WWTR1: variants seen among roughly 807,000 people sequenced by gnomAD.
WWTR1 encodes WW domain containing transcription regulator 1.
In WWTR1, 13 loss-of-function variants were observed where a neutral mutation model predicts 40.1. The observed-to-expected ratio is 0.32, with a 90% CI of 0.21 to 0.52. The LOEUF is 0.52. Among genes scored for constraint, WWTR1 ranks in the 20% least tolerant of loss-of-function variants. WWTR1 has a pLI of 0.97. For missense variants in WWTR1, 436 were observed against 523.1 expected (o/e 0.83, Z 1.63); for synonymous variants, 230 against 210.1 (o/e 1.09, Z -0.82).
intron 2 of WWTR1, among the ~76,000 whole-genome samples, chr3:149,650,964 G>C (rs935945101): frequency 6.6e-6 from 1 of 152,288 alleles, no homozygotes; most frequent in South Asian, 2.1e-4. Flanking sequence ...GATTTTGGCT[G>C]GGTAAATAGG....
intron 1 of WWTR1, among the ~76,000 whole-genome samples, chr3:149,693,876 TA>T (rs1159020855): frequency 6.6e-6 from 1 of 152,030 alleles, no homozygotes; most frequent in African/African-American, 2.4e-5. Flanking sequence ...AAATCAAATA[TA>T]AATGGATTAA....
At chr3:149,522,759 G>A (rs1010011944) in intron 6 of WWTR1, among the ~76,000 whole-genome samples, 6 of 151,998 alleles carry the variant, frequency 3.9e-5, no homozygotes, top group Non-Finnish European at 5.9e-5. Context: ...TTCCTAGGCC[G>A]GGTGTGGTGG....
intron 1 of WWTR1, among the ~76,000 whole-genome samples, chr3:149,692,259 A>G (rs1714850935): frequency 6.6e-6 from 1 of 152,186 alleles, no homozygotes; most frequent in Non-Finnish European, 1.5e-5. Flanking sequence ...CCTTAACAAA[A>G]TACTAGCAAA....
intron 2 of WWTR1, among the ~76,000 whole-genome samples, chr3:149,574,009 A>C (rs979854653): frequency 2.0e-5 from 3 of 151,882 alleles, no homozygotes; most frequent in African/African-American, 7.3e-5. Flanking sequence ...CAGTATCAGA[A>C]ATCTTCCTTC....
chr3:149,720,986 A>T (rs1481942380), intron 4 of WWTR1, among the ~76,000 whole-genome samples: 1 of 152,098 alleles, frequency 6.6e-6, no homozygotes, highest in Admixed American at 6.5e-5. Context: ...TATTTTGCTG[A>T]ATTTATTAAT....
At chr3:149,533,996 T>C (rs1245075994) in intron 4 of WWTR1, among the ~76,000 whole-genome samples, 1 of 151,984 alleles carries the variant, frequency 6.6e-6, no homozygotes, top group African/African-American at 2.4e-5. Flanking sequence ...GGTGAAACCT[T>C]GTTTCTACTA....
intron 4 of WWTR1, 141 bp from the exon 5 acceptor site, chr3:149,528,110 T>G: frequency 9.2e-7 from 1 of 1,082,172 alleles, no homozygotes; most frequent in East Asian, 2.7e-5. Flanking sequence ...AGGCAACCAT[T>G]AGTATTCTTT....
At chr3:149,522,609 A>G (rs928993824) in intron 6 of WWTR1, among the ~76,000 whole-genome samples, 1 of 152,220 alleles carries the variant, frequency 6.6e-6, no homozygotes, top group Non-Finnish European at 1.5e-5. Flanking sequence ...TGTCTAAAAA[A>G]CAATCTGATC....
chr3:149,625,101 T>C (rs1224780389), intron 2 of WWTR1, among the ~76,000 whole-genome samples: 45 of 89,050 alleles, frequency 5.1e-4, no homozygotes, highest in Admixed American at 3.3e-3. Context: ...AACTCTACCC[T>C]TTTTTTTTTT....
At chr3:149,661,400 T>C (rs1713567959), upstream of WWTR1, 1 of 150,676 alleles carries the variant, frequency 6.6e-6, no homozygotes. Context: ...ATGTGCATTC[T>C]AAGAATAAAA....
chr3:149,706,384 T>C (rs747722473), upstream of WWTR1, among the ~76,000 whole-genome samples: 1 of 152,064 alleles, frequency 6.6e-6, no homozygotes, highest in Non-Finnish European at 1.5e-5. Flanking sequence ...AATGGCGTGA[T>C]CTCGGCTCAC....
intron 3 of WWTR1, among the ~76,000 whole-genome samples, chr3:149,566,621 T>C (rs1737339955): frequency 6.6e-6 from 1 of 152,196 alleles, no homozygotes. Flanking sequence ...ATCTGACTTC[T>C]AGTGAACTTT....
At chr3:149,603,538 C>T (rs983687276) in intron 2 of WWTR1, among the ~76,000 whole-genome samples, 1 of 147,692 alleles carries the variant, frequency 6.8e-6, no homozygotes, top group South Asian at 2.1e-4. Context: ...AATTTAGTTA[C>T]AAAGGTTCCC....
At chr3:149,581,861 C>T (rs974261046) in intron 2 of WWTR1, among the ~76,000 whole-genome samples, 4 of 152,138 alleles carry the variant, frequency 2.6e-5, no homozygotes, top group Non-Finnish European at 4.4e-5. Flanking sequence ...TGAGCACCAC[C>T]GACTTTTCTG....
chr3:149,618,953 C>T (rs1740134872), intron 2 of WWTR1, among the ~76,000 whole-genome samples: 1 of 152,184 alleles, frequency 6.6e-6, no homozygotes, highest in African/African-American at 2.4e-5. Flanking sequence ...GTGAGATACC[C>T]AGAGACGTTC....
intron 2 of WWTR1, among the ~76,000 whole-genome samples, chr3:149,666,446 G>A (rs543063316): frequency 6.6e-6 from 1 of 152,258 alleles, no homozygotes; most frequent in Admixed American, 6.5e-5. Context: ...TTAGATAAGA[G>A]AGTAGATTAA....
intron 4 of WWTR1, among the ~76,000 whole-genome samples, chr3:149,540,444 C>T (rs1393293361): frequency 1.3e-5 from 2 of 152,092 alleles, no homozygotes; most frequent in East Asian, 1.9e-4. Flanking sequence ...CCCGCAAAAA[C>T]AGAGAAGCAA....
At chr3:149,698,173 C>G (rs989107871) in intron 1 of WWTR1, among the ~76,000 whole-genome samples, 5 of 151,936 alleles carry the variant, frequency 3.3e-5, no homozygotes, top group Non-Finnish European at 7.4e-5. Flanking sequence ...GCTCTGTGTC[C>G]CCACCCAAAT....
chr3:149,555,948 G>C (rs554551116), intron 3 of WWTR1, among the ~76,000 whole-genome samples: 4 of 152,398 alleles, frequency 2.6e-5, no homozygotes, highest in African/African-American at 9.6e-5. Context: ...CTGTGAAGCA[G>C]TGATGTGTGC....
Sources: allele counts gnomAD v4.1 joint callset (sites outside exome capture counted in the v4.1 genomes callset), GRCh38; gene constraint gnomAD v4.1.1; transcripts MANE v1.5; gene names NCBI Gene and HGNC (gene_info 2026-07-23, HGNC 2026-07-21).